Variants in COL19A1 observed in about 807,000 individuals in gnomAD.
The protein encoded by COL19A1 is collagen type XIX alpha 1 chain, also known as collagen alpha-1(XIX) chain.
A neutral mutation model predicts 190.2 loss-of-function variants in COL19A1; 159 were observed. The observed-to-expected ratio is 0.84, with a 90% CI of 0.73 to 0.95. COL19A1 has a LOEUF of 0.95. COL19A1 is among the 40% of genes least tolerant of loss of function. The pLI, the probability that COL19A1 is intolerant of heterozygous loss-of-function variation, is 0.00. For synonymous variants in COL19A1, 509 were observed against 458.9 expected (o/e 1.11, Z -1.39); for missense variants, 1,418 against 1,431.9 (o/e 0.99, Z 0.16).
At chr6:69,904,806 C>A (rs1323321506) in intron 4 of COL19A1, among the ~76,000 whole-genome samples, 4 of 152,300 alleles carry the variant, frequency 2.6e-5, no homozygotes, top group Admixed American at 1.3e-4. Context: ...ACCTGAAGGT[C>A]CCTCACCCCC....
chr6:69,937,842 T>G (rs1773208426), intron 8 of COL19A1, among the ~76,000 whole-genome samples, 196 bp from the exon 9 acceptor site: 1 of 151,870 alleles, frequency 6.6e-6, no homozygotes, highest in East Asian at 1.9e-4. Flanking sequence ...TTTGGAAGAG[T>G]GAGGAACAGT....
Position 70,130,179 on chromosome 6 carries a change from T to C in COL19A1, c.1342-3T>C. ...TGTATTTTAAATTGTTTTTCACCCC[T>C]AGGGAAATGATGAACATGAAGCTGG... is the stretch of plus-strand genomic sequence containing the variant. On this transcript the variant is annotated splice_polypyrimidine_tract_variant and splice_region_variant and intron_variant, in intron 17 of 50. Transcript: ENST00000620364. 7 of 1,612,348 alleles carry C rather than the reference T, an allele frequency of 4.3e-6. No homozygotes were observed. Among genetic ancestry groups the C allele is most frequent in the Non-Finnish European group, 5.9e-6 (7 of 1,179,504 alleles).
chr6:70,057,425 G>T (rs1056424949), intron 14 of COL19A1, among the ~76,000 whole-genome samples: 1 of 151,970 alleles, frequency 6.6e-6, no homozygotes, highest in Non-Finnish European at 1.5e-5. Flanking sequence ...TAATTTAAAA[G>T]ACAAAATTAC....
chr6:70,120,962 A>G (rs1784852067), intron 16 of COL19A1, among the ~76,000 whole-genome samples: 1 of 152,090 alleles, frequency 6.6e-6, no homozygotes, highest in East Asian at 1.9e-4. Flanking sequence ...GAAAAATATT[A>G]ATCTTTGTAT....
At chr6:69,953,911 G>T (rs1774266451) in intron 9 of COL19A1, among the ~76,000 whole-genome samples, 1 of 151,934 alleles carries the variant, frequency 6.6e-6, no homozygotes, top group African/African-American at 2.4e-5. Context: ...TGTAGATACT[G>T]AACAGTGGAT....
chr6:70,127,116 G>A (rs1450167211), intron 17 of COL19A1, among the ~76,000 whole-genome samples: 4 of 152,168 alleles, frequency 2.6e-5, no homozygotes, highest in African/African-American at 9.7e-5. Flanking sequence ...ACAAAAAGGT[G>A]AGGGCAAAGA....
intron 14 of COL19A1, among the ~76,000 whole-genome samples, chr6:70,042,192 G>A (rs987553294): frequency 6.6e-6 from 1 of 152,210 alleles, no homozygotes; most frequent in Non-Finnish European, 1.5e-5. Flanking sequence ...GAGTGTGCTT[G>A]GGGTTAGGGA....
Position 69,929,551 on chromosome 6 carries a change from A to C in COL19A1, c.517A>C (p.Lys173Gln), listed in dbSNP as rs1482017246. 4 of 1,613,962 alleles carry C rather than the reference A, an allele frequency of 2.5e-6. No individual in the cohort carries two copies. The highest frequency in any genetic ancestry group is 2.2e-5 in the East Asian group (1 of 44,886). The change falls in exon 6 of 51, where the codon AAA becomes CAA. Residue 173 changes from lysine to glutamine, a missense_variant. Transcript: ENST00000620364. The part of the protein sequence containing the change: ...LRPLFDRQWH[K>Q]LGISIQSQVI... ...TCCTTTGTTTGATCGTCAGTGGCACAAACTTGGCATTAGTATACAATCCCA... is the reference window on the plus strand; with the variant it reads ...TCCTTTGTTTGATCGTCAGTGGCACCAACTTGGCATTAGTATACAATCCCA...
rs528484384 is a variant in COL19A1, at chr6:70,097,287, T to G, written c.1225-4882T>G. Among the ~76,000 whole-genome samples the G allele has an allele frequency of 6.6e-5, 10 of 152,308 alleles. No homozygotes were observed. In the South Asian group the frequency reaches 2.1e-3, roughly 32 times the overall value. ...CTGGTCTTGAACTCCTGGGCTCAAATGATCCTCCTGAGGTTTCCTATGACT... is the reference window on the plus strand; with the variant it reads ...CTGGTCTTGAACTCCTGGGCTCAAAGGATCCTCCTGAGGTTTCCTATGACT... On this transcript the variant is annotated intron_variant, in intron 15 of 50. Coordinates refer to ENST00000620364, the MANE Select transcript of COL19A1 (RefSeq NM_001858.6).
At chr6:70,031,143 C>T (rs1779046652) in intron 12 of COL19A1, among the ~76,000 whole-genome samples, 2 of 152,236 alleles carry the variant, frequency 1.3e-5, no homozygotes, top group African/African-American at 4.8e-5. Context: ...CCCCCTACTC[C>T]TTACCTGTGT....
At chr6:70,105,845 G>A (rs376984706) in intron 16 of COL19A1, among the ~76,000 whole-genome samples, 1 of 152,076 alleles carries the variant, frequency 6.6e-6, no homozygotes, top group Admixed American at 6.6e-5. Context: ...TTTGTCTCTT[G>A]TCAAACAGTA....
At chr6:69,958,942 T>C (rs1774598592) in intron 9 of COL19A1, among the ~76,000 whole-genome samples, 1 of 152,200 alleles carries the variant, frequency 6.6e-6, no homozygotes, top group Non-Finnish European at 1.5e-5. Flanking sequence ...TAGGGAATGT[T>C]TAAAAACTGT....
rs1313206751 is a variant in COL19A1 at position 70,201,459 on chromosome 6, A to T, written c.3223+1723A>T. On this transcript the variant is annotated intron_variant, in intron 49 of 50. Coordinates refer to ENST00000620364, the MANE Select transcript of COL19A1 (RefSeq NM_001858.6). ...GGATTTCATCTGCTCTTGTGCCTCA[A>T]AGATATTATAGACTACTTCTACTCC... Among the ~76,000 whole-genome samples, 3 of 152,206 alleles carry T rather than the reference A, an allele frequency of 2.0e-5. No individual in the cohort carries two copies. In the East Asian group the frequency reaches 5.8e-4, roughly 29 times the overall value.
intron 2 of COL19A1, among the ~76,000 whole-genome samples, chr6:69,884,949 G>A (rs1368881387): frequency 6.6e-6 from 1 of 150,578 alleles, no homozygotes; most frequent in Non-Finnish European, 1.5e-5. Flanking sequence ...CTCCACCTCT[G>A]CCTCCCAGGT....
At chr6:69,972,504 A>G (rs1582567352) in intron 11 of COL19A1, among the ~76,000 whole-genome samples, 1 of 152,194 alleles carries the variant, frequency 6.6e-6, no homozygotes, top group African/African-American at 2.4e-5. Context: ...AGAGAAAGTT[A>G]AGTAGTGTTT....
chr6:69,997,608 C>G (rs963071657), intron 11 of COL19A1, among the ~76,000 whole-genome samples: 4 of 152,104 alleles, frequency 2.6e-5, no homozygotes, highest in Non-Finnish European at 5.9e-5. Context: ...GAAAAATTTA[C>G]TAGCTAGACT....
At chr6:70,060,899 G>A (rs750348461) in intron 14 of COL19A1, among the ~76,000 whole-genome samples, 7 of 152,100 alleles carry the variant, frequency 4.6e-5, no homozygotes, top group East Asian at 1.9e-4. Flanking sequence ...GTTGGGGACC[G>A]ATGCTCTAGA....
At chr6:70,124,698 A>G (rs532673343) in intron 17 of COL19A1, among the ~76,000 whole-genome samples, 5 of 152,328 alleles carry the variant, frequency 3.3e-5, no homozygotes, top group South Asian at 2.1e-4. Context: ...AGAGGCTCAC[A>G]GGTATTTAGT....
At chr6:70,130,156 TA>T in intron 17 of COL19A1, 25 bp from the exon 18 acceptor site, 1 of 1,610,062 alleles carries the variant, frequency 6.2e-7, no homozygotes, top group Non-Finnish European at 8.5e-7. Context: ...TTTTCTTTTG[TA>T]TTTTAAATTG....
Sources: allele counts gnomAD v4.1 joint callset (sites outside exome capture counted in the v4.1 genomes callset), GRCh38; gene constraint gnomAD v4.1.1; transcripts MANE v1.5; gene names NCBI Gene and HGNC (gene_info 2026-07-23, HGNC 2026-07-21).